Variants in NAA35 observed in about 807,000 individuals in gnomAD.
NAA35 encodes the protein N-alpha-acetyltransferase 35, NatC auxiliary subunit, also known as MAK10 homolog, amino-acid N-acetyltransferase subunit.
A neutral mutation model predicts 101.7 loss-of-function variants in NAA35; 18 were observed. The ratio of observed to expected loss-of-function variants is 0.18; its 90% CI spans 0.12 to 0.26. The LOEUF (loss-of-function observed/expected upper bound fraction) is 0.26. Ranked by LOEUF, NAA35 falls within the 10% of genes least tolerant of loss-of-function variation. NAA35 has a pLI of 1.00. For missense variants in NAA35, 601 were observed against 886.8 expected (o/e 0.68, Z 4.09); for synonymous variants, 267 against 273.1 (o/e 0.98, Z 0.22).
At chr9:85,948,646 T>C (rs888787819) in intron 2 of NAA35, among the ~76,000 whole-genome samples, 3 of 152,228 alleles carry the variant, frequency 2.0e-5, no homozygotes, top group African/African-American at 4.8e-5. Context: ...TTGACTGATA[T>C]TATGTCTGGG....
At chr9:85,976,811 A>G (rs1312677007) in intron 9 of NAA35, 76 bp downstream of exon 9, 5 of 1,107,858 alleles carry the variant, frequency 4.5e-6, no homozygotes, top group Non-Finnish European at 6.5e-6. Context: ...GAACTGCGTT[A>G]TAATTTATGG....
Position 86,022,005 on chromosome 9 carries a change from G to T in NAA35, c.*45G>T. Reference sequence around the variant, plus strand: ...CATAAAGGGGCAGAGTCTTCTTTCAGACCCAACTCTTAGAGGGCACATCAC... The same window carrying T: ...CATAAAGGGGCAGAGTCTTCTTTCATACCCAACTCTTAGAGGGCACATCAC... On this transcript the variant is annotated 3_prime_UTR_variant, in exon 23 of 23. Coordinates refer to ENST00000361671, the MANE Select transcript of NAA35 (RefSeq NM_024635.4). 6.7e-7 allele frequency: 1 copy of T among 1,491,496 alleles called. No homozygotes were observed. Among genetic ancestry groups the T allele is most frequent in the South Asian group, 1.2e-5 (1 of 86,698 alleles). 92.4% of individuals were successfully genotyped at this position (1,491,496 alleles called of 1,614,324 possible).
chr9:86,018,296 G>A lies in NAA35; in HGVS notation c.1815G>A (p.Pro605=), dbSNP rs746174985. The part of the protein sequence containing the change: ...AFDMDGKVRK[P]KFELDSEQVR... ...ACATGGACGGCAAAGTACGTAAACC[G>A]AAGTTTGAGCTTGATAGTGAACAAG... Residue 605 remains proline (P), a synonymous_variant, in exon 20 of 23, where the codon CCG becomes CCA. Coordinates refer to ENST00000361671, the MANE Select transcript of NAA35 (RefSeq NM_024635.4). 3 of 1,613,788 alleles carry A rather than the reference G, an allele frequency of 1.9e-6. No individual in the cohort carries two copies. The Admixed American group carries it at 5.0e-5, about 27-fold the overall frequency.
intron 12 of NAA35, among the ~76,000 whole-genome samples, chr9:85,999,266 A>C (rs1248816311): frequency 6.6e-6 from 1 of 152,196 alleles, no homozygotes; most frequent in Non-Finnish European, 1.5e-5. Context: ...TGGAATGAGA[A>C]TAGATATTTT....
At chr9:86,010,055 A>T (rs1303521889) in intron 15 of NAA35, 124 bp downstream of exon 15, 3 of 707,680 alleles carry the variant, frequency 4.2e-6, no homozygotes, top group Non-Finnish European at 7.6e-6. Context: ...GTTTGAGACC[A>T]GCCTGGCCAA....
intron 6 of NAA35, among the ~76,000 whole-genome samples, chr9:85,973,328 A>C (rs1830073539): frequency 6.6e-6 from 1 of 152,190 alleles, no homozygotes; most frequent in African/African-American, 2.4e-5. Context: ...AAATGACATG[A>C]TGTGACTTAT....
intron 11 of NAA35, among the ~76,000 whole-genome samples, chr9:85,983,233 A>G (rs1564305772): frequency 6.6e-6 from 1 of 152,194 alleles, no homozygotes; most frequent in Non-Finnish European, 1.5e-5. Flanking sequence ...ATTGTGACCT[A>G]CTTTGATTCC....
chr9:85,962,135 T>C lies in NAA35; in HGVS notation c.471T>C (p.Cys157=), dbSNP rs778611327. The C allele has an allele frequency of 1.2e-6, 2 of 1,614,010 alleles. No homozygotes were observed. The highest frequency in any genetic ancestry group is 1.1e-5 in the South Asian group (1 of 91,092). ...KAFALGILKI[C]DIAREKVNKA... is the part of the protein sequence containing the mutation. ...TTGCTCTGGGAATCTTGAAAATCTG[T>C]GACATTGCAAGGGAAAAAGTAAATA... Residue 157 remains cysteine (C), a synonymous_variant, in exon 6 of 23, where the codon TGT becomes TGC. Coordinates refer to ENST00000361671, the MANE Select transcript of NAA35 (RefSeq NM_024635.4).
At chr9:85,942,107 T>C (rs1021301572) in intron 1 of NAA35, 48 bp from the exon 2 acceptor site, 1 of 1,588,918 alleles carries the variant, frequency 6.3e-7, no homozygotes, top group Non-Finnish European at 8.5e-7. Flanking sequence ...CAAATACTCT[T>C]GCCCTGAAAG....
chr9:86,008,685 G>T (rs568964927), intron 14 of NAA35, among the ~76,000 whole-genome samples: 4 of 152,280 alleles, frequency 2.6e-5, no homozygotes, highest in African/African-American at 9.6e-5. Flanking sequence ...AATGATAATT[G>T]TATATATGGA....
At chr9:85,987,865 T>C (rs1830718036) in intron 11 of NAA35, among the ~76,000 whole-genome samples, 1 of 152,152 alleles carries the variant, frequency 6.6e-6, no homozygotes, top group South Asian at 2.1e-4. Context: ...TGACAAAACT[T>C]GAAGGGAAAA....
At chr9:85,975,735 A>AT (rs1387548383) in intron 8 of NAA35, among the ~76,000 whole-genome samples, 1 of 152,056 alleles carries the variant, frequency 6.6e-6, no homozygotes, top group Non-Finnish European at 1.5e-5. Context: ...AGTGTTTTAG[A>AT]TTTTTACTAT....
At chr9:85,972,855 G>A (rs1830054153) in intron 6 of NAA35, among the ~76,000 whole-genome samples, 2 of 152,180 alleles carry the variant, frequency 1.3e-5, no homozygotes, top group African/African-American at 4.8e-5. Context: ...TATAGGTGAA[G>A]TAGTAAATAA....
intron 2 of NAA35, among the ~76,000 whole-genome samples, chr9:85,942,963 A>G (rs189729168): frequency 9.0e-4 from 137 of 152,304 alleles, no homozygotes; most frequent in African/African-American, 3.2e-3. Context: ...CAGTTGAATC[A>G]CTTTTTATTT....
intron 2 of NAA35, among the ~76,000 whole-genome samples, chr9:85,956,095 A>G (rs1221302066): frequency 6.6e-6 from 1 of 152,174 alleles, no homozygotes; most frequent in African/African-American, 2.4e-5. Context: ...TCTGATTGGA[A>G]TATTATGGCC....
intron 8 of NAA35, among the ~76,000 whole-genome samples, chr9:85,975,463 T>G (rs1213103983): frequency 6.6e-6 from 1 of 152,180 alleles, no homozygotes; most frequent in South Asian, 2.1e-4. Context: ...CTCAAGTCTC[T>G]TATATACAAT....
chr9:85,954,507 G>A (rs77595923), intron 2 of NAA35, among the ~76,000 whole-genome samples: 152 of 152,184 alleles, frequency 1.0e-3, no homozygotes, highest in Middle Eastern at 6.8e-3. Context: ...TTTTCTGCAG[G>A]GATTTTTTTT....
intron 3 of NAA35, among the ~76,000 whole-genome samples, chr9:85,958,201 A>G (rs573791171): frequency 6.6e-6 from 1 of 152,118 alleles, no homozygotes; most frequent in East Asian, 1.9e-4. Flanking sequence ...TCAGCCTCCC[A>G]AAGTGCTGGG....
intron 6 of NAA35, among the ~76,000 whole-genome samples, chr9:85,970,236 A>G (rs1829948105): frequency 2.0e-5 from 3 of 152,212 alleles, no homozygotes; most frequent in Admixed American, 2.0e-4. Flanking sequence ...AAATAATTTT[A>G]ATGCTATATT....
Sources: gnomAD v4.1 joint callset for allele counts (sites outside exome capture counted in the v4.1 genomes callset) on GRCh38, gnomAD v4.1.1 for gene constraint, MANE v1.5 for transcripts, NCBI Gene and HGNC (gene_info 2026-07-23, HGNC 2026-07-21) for gene names.